The following ANXA3 variants were observed in gnomAD, a reference collection of about 807,000 sequenced individuals.
ANXA3 encodes the protein annexin A3, also known as 35-alpha calcimedin.
ANXA3 carries 46 observed loss-of-function variants against 48.8 expected under a neutral mutation model. That is an observed-to-expected ratio of 0.94 (90% confidence interval 0.74 to 1.21). The LOEUF (loss-of-function observed/expected upper bound fraction) is 1.21. Among genes scored for constraint, ANXA3 ranks in the 50% most tolerant of loss-of-function variants. ANXA3 has a pLI of 0.00. For missense variants in ANXA3, 383 were observed against 378.6 expected, an observed-to-expected ratio of 1.01 and a Z score of -0.10; for synonymous variants, 128 against 134.7, an observed-to-expected ratio of 0.95 and a Z score of 0.35.
At chr4:78,578,977 G>C (rs778654119) in intron 3 of ANXA3, 50 bp from the exon 4 acceptor site, 3 of 1,294,726 alleles carry the variant, frequency 2.3e-6, no homozygotes, top group Non-Finnish European at 3.3e-6. Context: ...TTTTGTTCAA[G>C]ACAAATGTTG....
intron 12 of ANXA3, among the ~76,000 whole-genome samples, chr4:78,608,965 G>A (rs975261269): frequency 1.3e-5 from 2 of 152,186 alleles, no homozygotes; most frequent in African/African-American, 4.8e-5. Flanking sequence ...TTAATACAAA[G>A]CTGGAGCATT....
At position 78,579,098 on chromosome 4, in the gene ANXA3, G is replaced by A. The variant is rs775997466; in HGVS notation, c.175G>A (p.Glu59Lys). The change falls in exon 4 of 13, where the codon GAA becomes AAA. Residue 59 changes from glutamate (E) to lysine (K), a missense_variant. Physicochemically the swap from Glu to Lys is moderately conservative, Grantham distance 56. Coordinates refer to ENST00000264908, the MANE Select transcript of ANXA3 (RefSeq NM_005139.3). ...SNAQRQLIVKEYQAAYGKELK... is the reference protein window; with the variant it reads ...SNAQRQLIVKKYQAAYGKELK... Reference sequence around the variant, plus strand: ...TGCACAGCGGCAGCTGATTGTTAAGGAATATCAAGCAGCATATGGAAAGGT... The same window carrying A: ...TGCACAGCGGCAGCTGATTGTTAAGAAATATCAAGCAGCATATGGAAAGGT... 3 of 1,610,668 alleles carry A rather than the reference G, an allele frequency of 1.9e-6. No homozygotes were observed. The highest frequency in any genetic ancestry group is 2.7e-5 in the African/African-American group (2 of 74,892).
chr4:78,566,488 C>CAA (rs397777058), intron 2 of ANXA3, among the ~76,000 whole-genome samples: 1,983 of 141,294 alleles, frequency 0.014, 24 homozygotes, highest in African/African-American at 0.035. Context: ...CACTCAGCCA[C>CAA]AAAAAAAAAA....
At chr4:78,562,373 G>A (rs1722644328) in intron 2 of ANXA3, among the ~76,000 whole-genome samples, 1 of 152,184 alleles carries the variant, frequency 6.6e-6, no homozygotes, top group South Asian at 2.1e-4. Flanking sequence ...GTAACTCTTT[G>A]TGTTTGATTC....
At chr4:78,571,759 T>TTTAG (rs1420613262) in intron 2 of ANXA3, among the ~76,000 whole-genome samples, 1 of 152,238 alleles carries the variant, frequency 6.6e-6, no homozygotes, top group Non-Finnish European at 1.5e-5. Flanking sequence ...GCTGTCCTTC[T>TTTAG]TTAGTCTCAT....
intron 7 of ANXA3, 134 bp downstream of exon 7, chr4:78,591,757 C>T: frequency 1.6e-6 from 1 of 633,336 alleles, no homozygotes; most frequent in East Asian, 2.7e-5. Context: ...GTTCATTTTA[C>T]ATTTTCATTG....
chr4:78,562,672 C>T (rs1478912627), intron 2 of ANXA3, among the ~76,000 whole-genome samples: 1 of 152,186 alleles, frequency 6.6e-6, no homozygotes, highest in South Asian at 2.1e-4. Context: ...AAGGATGGCA[C>T]CTACATTTTA....
intron 10 of ANXA3, among the ~76,000 whole-genome samples, chr4:78,600,190 A>G (rs1403376275): frequency 1.3e-5 from 2 of 152,126 alleles, no homozygotes; most frequent in African/African-American, 4.8e-5. Context: ...GACAATGAAG[A>G]GGGTAGGGAA....
At chr4:78,586,410 T>C in intron 6 of ANXA3, 60 bp downstream of exon 6, 1 of 1,288,508 alleles carries the variant, frequency 7.8e-7, no homozygotes, top group African/African-American at 1.5e-5. Context: ...AATGTTGCTT[T>C]TCCTAGAATC....
At chr4:78,589,422 A>C (rs1723244559) in intron 6 of ANXA3, among the ~76,000 whole-genome samples, 1 of 152,206 alleles carries the variant, frequency 6.6e-6, no homozygotes, top group South Asian at 2.1e-4. Context: ...GCCAAACTTT[A>C]CAGAGATTAA....
chr4:78,601,358 A>C, intron 10 of ANXA3, 152 bp from the exon 11 acceptor site: 1 of 619,234 alleles, frequency 1.6e-6, no homozygotes, highest in Non-Finnish European at 2.9e-6. Flanking sequence ...CAGGGTAAGC[A>C]GCCTTTCTTT....
chr4:78,556,550 G>A (rs926853534), intron 2 of ANXA3, among the ~76,000 whole-genome samples: 1 of 151,868 alleles, frequency 6.6e-6, no homozygotes, highest in Admixed American at 6.6e-5. Flanking sequence ...GTAAGGTGGA[G>A]GGCAAGTTTA....
chr4:78,563,292 C>T (rs1722661167), intron 2 of ANXA3, among the ~76,000 whole-genome samples: 1 of 152,196 alleles, frequency 6.6e-6, no homozygotes, highest in Admixed American at 6.5e-5. Flanking sequence ...CCCAGTCCCT[C>T]ACAGGTTTCT....
intron 3 of ANXA3, among the ~76,000 whole-genome samples, chr4:78,578,435 C>T (rs975272225): frequency 4.0e-5 from 6 of 151,414 alleles, no homozygotes; most frequent in South Asian, 2.1e-4. Context: ...GAGATGTGGA[C>T]CAAAGATAGA....
At chr4:78,560,424 T>A (rs1390738) in intron 2 of ANXA3, among the ~76,000 whole-genome samples, 2 of 151,998 alleles carry the variant, frequency 1.3e-5, no homozygotes, top group Non-Finnish European at 2.9e-5. Flanking sequence ...GAATGCAAGT[T>A]TATTATGAGG....
chr4:78,602,856 C>T (rs895744472), intron 11 of ANXA3: 1 of 152,418 alleles, frequency 6.6e-6, no homozygotes, highest in Non-Finnish European at 1.5e-5. Context: ...CGTACCATTC[C>T]TCCCCAGACT....
chr4:78,588,768 T>C (rs1032868136), intron 6 of ANXA3, among the ~76,000 whole-genome samples: 5 of 152,164 alleles, frequency 3.3e-5, no homozygotes, highest in African/African-American at 1.2e-4. Context: ...TTGCACTTCT[T>C]TCCACCTCCT....
At chr4:78,552,110 G>C (rs1465346055) in intron 1 of ANXA3, 1 of 152,416 alleles carries the variant, frequency 6.6e-6, no homozygotes, top group Non-Finnish European at 1.5e-5. Flanking sequence ...TGCCATGGGT[G>C]GGTCACCCAG....
chr4:78,579,058 G>A lies in ANXA3; in HGVS notation c.135G>A (p.Leu45=). 1 of 1,612,476 alleles carries A rather than the reference G, an allele frequency of 6.2e-7. No homozygotes were observed. Among genetic ancestry groups the A allele is most frequent in the Non-Finnish European group, 8.5e-7 (1 of 1,178,722 alleles). The stretch of plus-strand genomic sequence containing the variant: ...ATGAGAAAATGCTCATCAGCATTCT[G>A]ACTGAGAGGTCAAATGCACAGCGGC... The part of the protein sequence containing the change: ...GTDEKMLISI[L]TERSNAQRQL... Residue 45 remains leucine, a synonymous_variant, in exon 4 of 13, where the codon CTG becomes CTA. Transcript: ENST00000264908.
Sources: allele counts gnomAD v4.1 joint callset (sites outside exome capture counted in the v4.1 genomes callset), GRCh38; gene constraint gnomAD v4.1.1; transcripts MANE v1.5; gene names NCBI Gene and HGNC (gene_info 2026-07-23, HGNC 2026-07-21).